Variants in PHF20L1 observed in about 807,000 individuals in gnomAD.
PHF20L1 encodes the protein PHD finger protein 20 like 1.
A neutral mutation model predicts 125.5 loss-of-function variants in PHF20L1; 44 were observed. The ratio of observed to expected loss-of-function variants is 0.35; its 90% confidence interval spans 0.28 to 0.45. The LOEUF (loss-of-function observed/expected upper bound fraction) is 0.45. Ranked by LOEUF, PHF20L1 falls within the 20% of genes least tolerant of loss-of-function variation. The pLI is 1.00. For missense variants in PHF20L1, 1,012 were observed against 1,217.2 expected (o/e 0.83, Z 2.51); for synonymous variants, 380 against 403.1 (o/e 0.94, Z 0.69).
At chr8:132,842,328 T>C in intron 18 of PHF20L1, 187 bp from the exon 19 acceptor site, 1 of 462,572 alleles carries the variant, frequency 2.2e-6, no homozygotes, top group Non-Finnish European at 3.8e-6. Context: ...CTGAGTATTA[T>C]TTCTTTAATT....
chr8:132,834,991 T>C lies in PHF20L1; in HGVS notation c.1910-1549T>C, dbSNP rs531757720. Among the ~76,000 whole-genome samples, 21 of 152,236 alleles carry C rather than the reference T, an allele frequency of 1.4e-4. No homozygotes were observed. The Middle Eastern group carries it at 0.01, about 74-fold the overall frequency. On this transcript the variant is annotated intron_variant, in intron 15 of 20. Transcript: ENST00000395386. ...GAATGAAGAAAAAAGTAAGCAAGAT[T>C]AGAAGCTGATAGAGGAAACACTAAA...
Position 132,836,751 on chromosome 8 carries a change from G to A in PHF20L1, c.2091+30G>A, listed in dbSNP as rs1837398364. The A allele has an allele frequency of 2.0e-6, 3 of 1,531,098 alleles. No homozygotes were observed. The African/African-American group carries it at 4.1e-5, about 21-fold the overall frequency. 94.8% of individuals were successfully genotyped at this position (1,531,098 alleles called of 1,614,324 possible). ...TTGGTTAACCTCTCTTCCCTATAAT[G>A]AGTTAGTTGTTTCAGGTGCTCAGCA... On this transcript the variant is annotated intron_variant, in intron 16 of 20. Coordinates refer to ENST00000395386, the MANE Select transcript of PHF20L1 (RefSeq NM_016018.5).
At position 132,837,766 on chromosome 8, in the gene PHF20L1, A is replaced by G; in HGVS notation, c.2146A>G (p.Ser716Gly). ...HSVCMGLLEESIPEQYICYIC... is the reference protein window; with the variant it reads ...HSVCMGLLEEGIPEQYICYIC... ...CGTGTGCATGGGGCTGCTGGAGGAG[A>G]GCATTCCAGAGCAGTACATCTGCTA... The change falls in exon 17 of 21, where the codon AGC becomes GGC. Residue 716 changes from serine (S) to glycine (G), a missense_variant. This residue lies in a region of PHF20L1 where 55 missense variants were observed against 114.8 expected (regional missense o/e 0.48). Coordinates refer to ENST00000395386, the MANE Select transcript of PHF20L1 (RefSeq NM_016018.5). 1.9e-6 allele frequency: 3 copies of G among 1,613,044 alleles called. No homozygotes were observed. Among genetic ancestry groups the G allele is most frequent in the Non-Finnish European group, 2.5e-6 (3 of 1,179,410 alleles).
At chr8:132,786,108 G>T (rs1422674193) in intron 2 of PHF20L1, among the ~76,000 whole-genome samples, 1 of 152,052 alleles carries the variant, frequency 6.6e-6, no homozygotes, top group African/African-American at 2.4e-5. Flanking sequence ...TGTTAACCTA[G>T]ATTAGCAAAT....
At chr8:132,812,793 C>A in intron 9 of PHF20L1, 1 of 983,646 alleles carries the variant, frequency 1.0e-6, no homozygotes. Context: ...TTGTTACTAA[C>A]CTCTGTTTCC....
chr8:132,794,683 A>G (rs368921274), intron 3 of PHF20L1, 50 bp from the exon 4 acceptor site: 99 of 1,514,912 alleles, frequency 6.5e-5, no homozygotes, highest in Non-Finnish European at 8.6e-5. Flanking sequence ...TTTGTTAAGA[A>G]ATGCTTATTT....
At chr8:132,824,963 C>T in intron 13 of PHF20L1, 1 of 1,261,144 alleles carries the variant, frequency 7.9e-7, no homozygotes, top group South Asian at 1.3e-5. Context: ...TGGAGTTTAA[C>T]TTCTTACCAC....
chr8:132,846,954 A>T lies in PHF20L1; in HGVS notation c.*1031A>T, dbSNP rs748833858. 14 of 152,570 alleles carry T rather than the reference A, an allele frequency of 9.2e-5. No homozygotes were observed. The highest frequency in any genetic ancestry group is 1.9e-4 in the Non-Finnish European group (13 of 68,000). 9.5% of individuals were successfully genotyped at this position (152,570 alleles called of 1,614,324 possible). On this transcript the variant is annotated 3_prime_UTR_variant, in exon 21 of 21. Transcript: ENST00000395386. ...GAATACTGGAAAAGCTTCATTTCTG[A>T]AGATGAATTTTATTTTTAAAAAATA...
chr8:132,845,212 A>G (rs1838314326), intron 20 of PHF20L1, among the ~76,000 whole-genome samples: 1 of 152,130 alleles, frequency 6.6e-6, no homozygotes. Flanking sequence ...ATAGAATATA[A>G]TCAATTGCAT....
In PHF20L1 at chr8:132,816,971, A is replaced by G. The variant is rs1268790633; in HGVS notation, c.1267A>G (p.Met423Val). 3.1e-6 allele frequency: 5 copies of G among 1,611,324 alleles called. No homozygotes were observed. The highest frequency in any genetic ancestry group is 2.2e-5 in the South Asian group (2 of 90,998). ...RRSQRLATLP[M>V]PDDSVEKVSS... is the part of the protein sequence containing the mutation. The stretch of plus-strand genomic sequence containing the variant: ...ATCTCAGCGTTTAGCCACCTTACCC[A>G]TGCCTGATGATTCTGTAGAAAAGGT... The change falls in exon 11 of 21, where the codon ATG becomes GTG. Residue 423 changes from methionine (M) to valine (V), a missense_variant. Physicochemically the swap from Met to Val is conservative, Grantham distance 21. Transcript: ENST00000395386.
Position 132,845,801 on chromosome 8 carries a change from T to A in PHF20L1, c.2932T>A (p.Phe978Ile). The A allele has an allele frequency of 6.2e-7, 1 of 1,610,358 alleles. No individual in the cohort carries two copies. Residue 978 changes from phenylalanine (F) to isoleucine (I), a missense_variant, in exon 21 of 21, where the codon TTC becomes ATC. Coordinates refer to ENST00000395386, the MANE Select transcript of PHF20L1 (RefSeq NM_016018.5). ...EVDVLESWLD[F>I]TGELEPPDPL... ...TTTAGTTCTGGAAAGCTGGCTTGAT[T>A]TCACAGGGGAGTTGGAGCCACCAGA... is the stretch of plus-strand genomic sequence containing the variant.
At chr8:132,845,694 A>C in intron 20 of PHF20L1, 87 bp from the exon 21 acceptor site, 1 of 941,444 alleles carries the variant, frequency 1.1e-6, no homozygotes, top group South Asian at 1.4e-5. Flanking sequence ...CCTTAACTCC[A>C]TCACAGCTCC....
intron 9 of PHF20L1, chr8:132,812,381 A>G (rs1429919517): frequency 2.0e-6 from 2 of 984,786 alleles, no homozygotes; most frequent in African/African-American, 3.5e-5. Flanking sequence ...AAAAGTACTT[A>G]TTAAATGTGG....
chr8:132,830,548 T>C (rs75884582), intron 14 of PHF20L1, among the ~76,000 whole-genome samples: 3,010 of 152,080 alleles, frequency 0.02, 94 homozygotes, highest in African/African-American at 0.068. Flanking sequence ...CTCGTTTCCA[T>C]CTCTCATTTC....
At chr8:132,811,289 GAT>G in intron 9 of PHF20L1, 161 bp downstream of exon 9, 2 of 1,389,922 alleles carry the variant, frequency 1.4e-6, no homozygotes, top group Non-Finnish European at 1.9e-6. Flanking sequence ...AAGGTATACA[GAT>G]AACTACAGAC....
At chr8:132,826,928 CATT>C (rs936491432) in intron 14 of PHF20L1, 1 of 152,012 alleles carries the variant, frequency 6.6e-6, no homozygotes, top group African/African-American at 2.4e-5. Context: ...GGTTGGTAAT[CATT>C]GTTGGTAAAT....
At position 132,825,379 on chromosome 8, in the gene PHF20L1, C is replaced by T. The variant is rs1362382823; in HGVS notation, c.1744+8C>T. ...AGAAATCTAAGCAACATGGTAAGTA[C>T]ACTGAGATGATTATTCCCTCTTTTT... On this transcript the variant is annotated splice_region_variant and intron_variant, in intron 14 of 20. Coordinates refer to ENST00000395386, the MANE Select transcript of PHF20L1 (RefSeq NM_016018.5). 3 of 1,478,070 alleles carry T rather than the reference C, an allele frequency of 2.0e-6. No homozygotes were observed. The highest frequency in any genetic ancestry group is 5.3e-5 in the Admixed American group (2 of 37,784). The allele number at this position is 1,478,070 out of a possible 1,614,324, so 91.6% of individuals were successfully genotyped here. A position where few individuals can be genotyped will look rare whatever the true frequency, so the allele number is the denominator to read the frequency against.
intron 2 of PHF20L1, among the ~76,000 whole-genome samples, chr8:132,786,056 C>T (rs1220016736): frequency 6.6e-6 from 1 of 152,062 alleles, no homozygotes; most frequent in African/African-American, 2.4e-5. Flanking sequence ...ATGGCAAATA[C>T]ATTGTGACTT....
At chr8:132,782,730 A>G (rs922168130) in intron 2 of PHF20L1, among the ~76,000 whole-genome samples, 1 of 151,994 alleles carries the variant, frequency 6.6e-6, no homozygotes, top group African/African-American at 2.4e-5. Context: ...CTGGGACTAC[A>G]GGCGTATGCC....
Sources: allele counts gnomAD v4.1 joint callset (sites outside exome capture counted in the v4.1 genomes callset), GRCh38; gene constraint gnomAD v4.1.1; regional missense constraint gnomAD v4.1.1; transcripts MANE v1.5; gene names NCBI Gene and HGNC (gene_info 2026-07-23, HGNC 2026-07-21).